Variants in PPP1R12B observed in about 807,000 individuals in gnomAD.
PPP1R12B encodes protein phosphatase 1 regulatory subunit 12B, also known as myosin phosphatase target subunit 2.
PPP1R12B carries 76 observed loss-of-function variants against 126.1 expected under a neutral mutation model. The observed-to-expected ratio is 0.60, with a 90% confidence interval of 0.50 to 0.73. The LOEUF (loss-of-function observed/expected upper bound fraction) is 0.73, where lower values mean the gene tolerates loss of function less well. PPP1R12B is among the 30% of genes least tolerant of loss of function. The pLI is 0.00. For synonymous variants in PPP1R12B, 356 were observed against 434.7 expected, an observed-to-expected ratio of 0.82 and a Z score of 2.25; for missense variants, 1,052 against 1,205.1, an observed-to-expected ratio of 0.87 and a Z score of 1.88.
rs1394794312 is a variant in PPP1R12B at position 202,449,150 on chromosome 1, T to G, written c.1829T>G (p.Val610Gly). 1 of 1,609,658 alleles carries G rather than the reference T, an allele frequency of 6.2e-7. No individual in the cohort carries two copies. The highest frequency in any genetic ancestry group is 8.5e-7 in the Non-Finnish European group (1 of 1,177,630). Residue 610 changes from valine to glycine, a missense_variant, in exon 13 of 24, where the codon GTG (valine) becomes GGG (glycine). Val to Gly is a moderately radical substitution (Grantham distance 109, BLOSUM62 -3). Transcript: ENST00000608999. ...VLSITGTDSS[V>G]EAREKRRSYL... Reference sequence around the variant, plus strand: ...TCCATTACTGGAACAGATTCCTCTGTGGAAGCCAGGGAGAAGAGGAGGTAT... The same window carrying G: ...TCCATTACTGGAACAGATTCCTCTGGGGAAGCCAGGGAGAAGAGGAGGTAT...
At chr1:202,359,911 GGT>G (rs368422256) in intron 1 of PPP1R12B, among the ~76,000 whole-genome samples, 15,096 of 151,758 alleles carry the variant, frequency 0.099, 898 homozygotes, top group Middle Eastern at 0.23. Flanking sequence ...ATTGTTCACA[GGT>G]GTGTGTGTGT....
chr1:202,404,790 C>T (rs1366417406), intron 1 of PPP1R12B, among the ~76,000 whole-genome samples: 4 of 152,184 alleles, frequency 2.6e-5, no homozygotes, highest in Non-Finnish European at 5.9e-5. Context: ...CGTGAGCCAC[C>T]GCACCCAGCC....
chr1:202,542,457 A>G (rs1345535828), intron 18 of PPP1R12B, among the ~76,000 whole-genome samples: 2 of 152,252 alleles, frequency 1.3e-5, no homozygotes, highest in African/African-American at 2.4e-5. Context: ...CTAAAACCCC[A>G]TATTCCCAGC....
intron 1 of PPP1R12B, among the ~76,000 whole-genome samples, chr1:202,374,265 A>G (rs1166491106): frequency 6.6e-6 from 1 of 152,110 alleles, no homozygotes; most frequent in Non-Finnish European, 1.5e-5. Flanking sequence ...CCCAGTCATT[A>G]TGCCAGAAAC....
At chr1:202,376,679 A>G (rs770028911) in intron 1 of PPP1R12B, among the ~76,000 whole-genome samples, 1 of 152,154 alleles carries the variant, frequency 6.6e-6, no homozygotes, top group Non-Finnish European at 1.5e-5. Flanking sequence ...ATTTGATGTA[A>G]AAATTACCCT....
At chr1:202,407,978 A>G (rs1418158091) in intron 1 of PPP1R12B, among the ~76,000 whole-genome samples, 1 of 152,190 alleles carries the variant, frequency 6.6e-6, no homozygotes, top group African/African-American at 2.4e-5. Context: ...TAGTATTTAC[A>G]TTGTTTTAGG....
intron 1 of PPP1R12B, among the ~76,000 whole-genome samples, chr1:202,374,558 C>T (rs9793448): frequency 2.4e-5 from 3 of 123,804 alleles, no homozygotes; most frequent in Admixed American, 2.2e-4. Flanking sequence ...AGTGCAGTGG[C>T]GCAATCTCGG....
At chr1:202,400,455 T>C (rs1665657618) in intron 1 of PPP1R12B, among the ~76,000 whole-genome samples, 1 of 152,208 alleles carries the variant, frequency 6.6e-6, no homozygotes, top group Non-Finnish European at 1.5e-5. Flanking sequence ...GGCTAGTATC[T>C]GCTAGGATGA....
chr1:202,478,632 G>C (rs920735538), intron 13 of PPP1R12B, among the ~76,000 whole-genome samples: 2 of 151,838 alleles, frequency 1.3e-5, no homozygotes, highest in African/African-American at 4.8e-5. Flanking sequence ...ACTATATATA[G>C]TTTGTATAGT....
At chr1:202,519,839 A>T (rs1682583177) in intron 18 of PPP1R12B, among the ~76,000 whole-genome samples, 1 of 152,164 alleles carries the variant, frequency 6.6e-6, no homozygotes, top group African/African-American at 2.4e-5. Context: ...ACATGTTTGT[A>T]GAAAAGAACT....
chr1:202,439,381 A>C, intron 10 of PPP1R12B: 1 of 1,282,720 alleles, frequency 7.8e-7, no homozygotes. Context: ...AAGCTGGTGA[A>C]GAAGCACGCG....
chr1:202,528,872 T>C (rs1393192143), intron 18 of PPP1R12B, among the ~76,000 whole-genome samples: 1 of 152,146 alleles, frequency 6.6e-6, no homozygotes, highest in African/African-American at 2.4e-5. Context: ...ATCTTAGGCA[T>C]AGGGAAAAAC....
At chr1:202,409,884 C>T (rs1037602664) in intron 1 of PPP1R12B, among the ~76,000 whole-genome samples, 1 of 152,000 alleles carries the variant, frequency 6.6e-6, no homozygotes, top group East Asian at 1.9e-4. Context: ...TTTTCATTTC[C>T]CTAATGATTA....
At chr1:202,443,929 A>G (rs370062474) in intron 12 of PPP1R12B, among the ~76,000 whole-genome samples, 20 of 152,218 alleles carry the variant, frequency 1.3e-4, no homozygotes, top group African/African-American at 4.8e-4. Flanking sequence ...GGCTGCCTCT[A>G]TTTAGGATCA....
intron 13 of PPP1R12B, among the ~76,000 whole-genome samples, chr1:202,476,495 C>T (rs1435186407): frequency 6.6e-6 from 1 of 151,614 alleles, no homozygotes; most frequent in Non-Finnish European, 1.5e-5. Flanking sequence ...CCAGCCTGGC[C>T]AATGTGGTGG....
intron 6 of PPP1R12B, among the ~76,000 whole-genome samples, 160 bp downstream of exon 6, chr1:202,429,089 T>A (rs1387474074): frequency 1.3e-5 from 2 of 152,228 alleles, no homozygotes; most frequent in African/African-American, 2.4e-5. Context: ...AAACAGTCTG[T>A]TAGAAGAATA....
At position 202,439,079 on chromosome 1, in the gene PPP1R12B, A is replaced by G. The variant is rs1452122858; in HGVS notation, c.1458+1055A>G. 9.1e-5 allele frequency: 130 copies of G among 1,432,622 alleles called. No individual in the cohort carries two copies. In the African/African-American group the frequency reaches 1.5e-3, roughly 16 times the overall value. The allele number at this position is 1,432,622 out of a possible 1,614,324, so 88.7% of individuals were successfully genotyped here. ...CAACTCCTATGACCTTGCCATCAAG[A>G]CCATCACCTCCAGCGCCAAAGTGGA... On this transcript the variant is annotated intron_variant, in intron 10 of 23. Transcript: ENST00000608999.
chr1:202,546,705 G>A (rs547057556), intron 18 of PPP1R12B, among the ~76,000 whole-genome samples: 1 of 152,274 alleles, frequency 6.6e-6, no homozygotes, highest in East Asian at 1.9e-4. Flanking sequence ...TGTTAAATTA[G>A]AGGTACTTTG....
intron 1 of PPP1R12B, among the ~76,000 whole-genome samples, chr1:202,359,636 C>G (rs942500205): frequency 1.5e-5 from 2 of 137,674 alleles, no homozygotes; most frequent in East Asian, 4.2e-4. Context: ...GAAAAATTAG[C>G]CAGGCGTGGT....
Sources: gnomAD v4.1 joint callset for allele counts (sites outside exome capture counted in the v4.1 genomes callset) on GRCh38, gnomAD v4.1.1 for gene constraint, MANE v1.5 for transcripts, NCBI Gene and HGNC (gene_info 2026-07-23, HGNC 2026-07-21) for gene names.